PLD5: variants seen among roughly 807,000 people sequenced by gnomAD.
PLD5 encodes phospholipase D family member 5.
PLD5 carries 36 observed loss-of-function variants against 61.1 expected under a neutral mutation model. That is an observed-to-expected ratio of 0.59 (90% CI 0.45 to 0.78). The LOEUF is 0.78. Ranked by LOEUF, PLD5 falls within the 30% of genes least tolerant of loss-of-function variation. The probability of loss-of-function intolerance (pLI) is 0.00; values close to 1 mark genes in which losing one functional copy is unlikely to be tolerated. For missense variants in PLD5, 515 were observed against 644.4 expected (o/e 0.80, Z 2.17); for synonymous variants, 243 against 242.8 (o/e 1.00, Z -0.01).
chr1:242,234,628 G>A (rs1671519081), intron 4 of PLD5, among the ~76,000 whole-genome samples: 1 of 151,954 alleles, frequency 6.6e-6, no homozygotes, highest in South Asian at 2.1e-4. Flanking sequence ...ACCTGGAGAT[G>A]CCACCTGCTG....
At chr1:242,233,213 A>C (rs977216359) in intron 4 of PLD5, among the ~76,000 whole-genome samples, 11 of 152,034 alleles carry the variant, frequency 7.2e-5, no homozygotes, top group Non-Finnish European at 1.3e-4. Context: ...TATTCATGTT[A>C]ATTTGAGCTT....
chr1:242,485,396 C>T (rs925054315), intron 1 of PLD5, among the ~76,000 whole-genome samples: 6 of 151,984 alleles, frequency 3.9e-5, no homozygotes, highest in Non-Finnish European at 8.8e-5. Flanking sequence ...GTGCAAAAAT[C>T]ACAAGCATTC....
chr1:242,488,604 G>A (rs1172241002), intron 1 of PLD5, among the ~76,000 whole-genome samples: 2 of 152,176 alleles, frequency 1.3e-5, no homozygotes, highest in Non-Finnish European at 2.9e-5. Context: ...GGATGAACAG[G>A]TGAAACTATT....
intron 2 of PLD5, among the ~76,000 whole-genome samples, chr1:242,295,563 T>A (rs1675607853): frequency 6.6e-6 from 1 of 152,232 alleles, no homozygotes; most frequent in Non-Finnish European, 1.5e-5. Flanking sequence ...TTAGGTTGAT[T>A]CCATGACTTT....
chr1:242,463,270 C>T (rs950636071), intron 1 of PLD5, among the ~76,000 whole-genome samples: 1 of 152,176 alleles, frequency 6.6e-6, no homozygotes, highest in Non-Finnish European at 1.5e-5. Context: ...TAGAGACACT[C>T]GCTTGTCCAT....
intron 2 of PLD5, among the ~76,000 whole-genome samples, chr1:242,346,284 T>A (rs888794525): frequency 6.6e-6 from 1 of 151,336 alleles, no homozygotes; most frequent in African/African-American, 2.4e-5. Context: ...GAAAAAAAAA[T>A]GACCTTTTGT....
rs1558234995 is a variant in PLD5, at chr1:242,113,901, T to G, written c.1059A>C (p.Thr353=). ...GGGCATTCACTGACCTTTTGGTGCT[T>G]GTGCTGGAGATAGGCAGGTAGTCCA... The part of the protein sequence containing the change: ...AVMDYLPISS[T]STKRTYWPDL... The change falls in exon 7 of 10, where the codon ACA becomes ACC. Residue 353 remains threonine, a synonymous_variant. Transcript: ENST00000536534. The G allele has an allele frequency of 1.2e-5, 19 of 1,613,116 alleles. No individual in the cohort carries two copies. Among genetic ancestry groups the G allele is most frequent in the Admixed American group, 5.0e-5 (3 of 59,762 alleles).
chr1:242,313,295 T>C (rs1302390087), intron 2 of PLD5, among the ~76,000 whole-genome samples: 2 of 152,242 alleles, frequency 1.3e-5, no homozygotes, highest in East Asian at 3.8e-4. Flanking sequence ...GCCTAATCTA[T>C]GCTATGCCCA....
intron 1 of PLD5, among the ~76,000 whole-genome samples, chr1:242,398,456 A>C (rs1663729343): frequency 6.6e-6 from 1 of 152,198 alleles, no homozygotes; most frequent in Admixed American, 6.5e-5. Flanking sequence ...GCAAGTAAAA[A>C]ATGTGCTTTA....
chr1:242,484,594 G>A lies in PLD5; in HGVS notation c.189+39494C>T, dbSNP rs1441237593. ...AGCCTACCAACCAAAAAAAGTCCAG[G>A]ACCAGACAGATTCACAGCTGAATTC... On this transcript the variant is annotated intron_variant, in intron 1 of 9. Transcript: ENST00000536534. 2.0e-5 allele frequency among the ~76,000 whole-genome samples: 3 copies of A among 152,232 alleles called. No individual in the cohort carries two copies. In the East Asian group the frequency reaches 5.8e-4, roughly 29 times the overall value.
At chr1:242,509,772 G>T (rs542563000) in intron 1 of PLD5, among the ~76,000 whole-genome samples, 1 of 152,050 alleles carries the variant, frequency 6.6e-6, no homozygotes, top group Non-Finnish European at 1.5e-5. Context: ...CCACCAATAC[G>T]CCAACACTCT....
chr1:242,437,136 TCTA>T (rs1169343257), intron 1 of PLD5, among the ~76,000 whole-genome samples: 1 of 152,172 alleles, frequency 6.6e-6, no homozygotes, highest in Non-Finnish European at 1.5e-5. Context: ...CTGTAAGAAC[TCTA>T]CTGTTTCAAA....
intron 5 of PLD5, among the ~76,000 whole-genome samples, chr1:242,131,005 T>C (rs1222777526): frequency 6.6e-6 from 1 of 152,046 alleles, no homozygotes; most frequent in Non-Finnish European, 1.5e-5. Context: ...ATAGTCATTT[T>C]ATTGAAAACT....
chr1:242,286,120 TA>T (rs1056239234), intron 3 of PLD5, among the ~76,000 whole-genome samples: 5 of 151,700 alleles, frequency 3.3e-5, no homozygotes, highest in African/African-American at 9.7e-5. Flanking sequence ...AAAAATAAAA[TA>T]AAATAAAATA....
chr1:242,522,665 T>C (rs1503804), intron 1 of PLD5, among the ~76,000 whole-genome samples: 25,889 of 152,252 alleles, frequency 0.17, 2,266 homozygotes, highest in Middle Eastern at 0.23. Flanking sequence ...ACATGCTCTT[T>C]GCATGTAATG....
At chr1:242,497,840 GAAGT>G (rs1011829134) in intron 1 of PLD5, among the ~76,000 whole-genome samples, 12 of 152,268 alleles carry the variant, frequency 7.9e-5, no homozygotes, top group African/African-American at 2.9e-4. Context: ...CGGAAGGAAG[GAAGT>G]AAGTCAACAG....
At chr1:242,437,760 T>G (rs1438419256) in intron 1 of PLD5, among the ~76,000 whole-genome samples, 3 of 152,182 alleles carry the variant, frequency 2.0e-5, no homozygotes, top group African/African-American at 7.2e-5. Context: ...ATCCTAAGTG[T>G]TTCATAAATA....
In PLD5 at chr1:242,222,545, G is replaced by A. The variant is rs115355406; in HGVS notation, c.608-2430C>T. 8.9e-3 allele frequency among the ~76,000 whole-genome samples: 1,358 copies of A among 152,284 alleles called. 20 individuals carry two copies. The highest frequency in any genetic ancestry group is 0.031 in the African/African-American group (1,296 of 41,564). ...TGACTGGCCCTCATCTCCTGGCGTGGGACACTGTGTCTGAAACTCGGCCCC... is the reference window on the plus strand; with the variant it reads ...TGACTGGCCCTCATCTCCTGGCGTGAGACACTGTGTCTGAAACTCGGCCCC... On this transcript the variant is annotated intron_variant, in intron 4 of 9. Transcript: ENST00000536534.
At chr1:242,316,056 T>C (rs1443694572) in intron 2 of PLD5, among the ~76,000 whole-genome samples, 1 of 152,196 alleles carries the variant, frequency 6.6e-6, no homozygotes, top group Non-Finnish European at 1.5e-5. Flanking sequence ...TCTATACCTG[T>C]TTCCTCGTGT....
Sources: allele counts gnomAD v4.1 joint callset (sites outside exome capture counted in the v4.1 genomes callset), GRCh38; gene constraint gnomAD v4.1.1; transcripts MANE v1.5; gene names NCBI Gene and HGNC (gene_info 2026-07-23, HGNC 2026-07-21).